Variants in ITGAL observed in about 807,000 individuals in gnomAD.
The protein encoded by ITGAL is integrin subunit alpha L.
ITGAL carries 68 observed loss-of-function variants against 138.4 expected under a neutral mutation model. The ratio of observed to expected loss-of-function variants is 0.49; its 90% CI spans 0.40 to 0.60. The LOEUF is 0.60. Among genes scored for constraint, ITGAL ranks in the 20% least tolerant of loss-of-function variants. The probability of loss-of-function intolerance (pLI) is 0.00; values close to 1 mark genes in which losing one functional copy is unlikely to be tolerated. For synonymous variants in ITGAL, 561 were observed against 584.3 expected (o/e 0.96, Z 0.57); for missense variants, 1,256 against 1,478.6 (o/e 0.85, Z 2.47).
rs140271557 is a variant in ITGAL at position 30,488,638 on chromosome 16, G to A, written c.1007-444G>A. 4.3e-3 allele frequency among the ~76,000 whole-genome samples: 652 copies of A among 150,474 alleles called. 4 individuals are homozygous for A. The highest frequency in any genetic ancestry group is 0.015 in the African/African-American group (632 of 40,814). ...GAATCGCTTGAACCCAGGAGGCAGA[G>A]GCTGTGGTGAGCTGAGATTGCACTA... is the stretch of plus-strand genomic sequence containing the variant. On this transcript the variant is annotated intron_variant, in intron 9 of 30. Transcript: ENST00000356798.
Position 30,494,379 on chromosome 16 carries a change from G to T in ITGAL, c.1365+16G>T, listed in dbSNP as rs2050770817. On this transcript the variant is annotated intron_variant, in intron 12 of 30. Coordinates refer to ENST00000356798, the MANE Select transcript of ITGAL (RefSeq NM_002209.3). The surrounding 1 kb of genome is among the most constrained non-coding windows in gnomAD (Gnocchi z 4.2). ...TGGGACCCAGGTGCGCCCAGTCCGA[G>T]GGCATCTGCAGACCAGGGACTGGCG... 6.3e-7 allele frequency: 1 copy of T among 1,588,226 alleles called. No homozygotes were observed. The highest frequency in any genetic ancestry group is 1.7e-5 in the Admixed American group (1 of 57,246).
chr16:30,498,118 A>G (rs969117425), intron 15 of ITGAL, among the ~76,000 whole-genome samples: 4 of 151,790 alleles, frequency 2.6e-5, no homozygotes, highest in African/African-American at 4.8e-5. Flanking sequence ...CTTAGTCAGG[A>G]GTTCAAGACC....
chr16:30,488,957 C>T (rs914843482), intron 9 of ITGAL, 125 bp from the exon 10 acceptor site: 4 of 781,842 alleles, frequency 5.1e-6, no homozygotes, highest in Non-Finnish European at 8.9e-6. Context: ...TCTGCCTGAC[C>T]CTCACATGCA....
At position 30,479,123 on chromosome 16, in the gene ITGAL, C is replaced by T. The variant is rs866102650; in HGVS notation, c.360C>T (p.Asp120=). ...ACCCTGGGCTGTCTCGAACGTGTGA[C>T]CAGAACACCTATCTGAGTGGCCTGT... The part of the protein sequence containing the change: ...ACDPGLSRTC[D]QNTYLSGLCY... Residue 120 remains aspartate, a synonymous_variant, in exon 5 of 31, where the codon GAC becomes GAT. Transcript: ENST00000356798. 6.2e-7 allele frequency: 1 copy of T among 1,614,116 alleles called. No homozygotes were observed. The highest frequency in any genetic ancestry group is 2.2e-5 in the East Asian group (1 of 44,880).
chr16:30,484,951 A>G (rs2050618781), intron 9 of ITGAL, among the ~76,000 whole-genome samples: 2 of 151,870 alleles, frequency 1.3e-5, no homozygotes, highest in Non-Finnish European at 2.9e-5. Context: ...AAACAAAAAA[A>G]AACCTCCCCT....
intron 1 of ITGAL, among the ~76,000 whole-genome samples, chr16:30,473,179 C>A (rs1250665825): frequency 6.6e-6 from 1 of 152,156 alleles, no homozygotes; most frequent in Non-Finnish European, 1.5e-5. Context: ...CGCCTGTAAT[C>A]CCAGCACTTT....
At chr16:30,481,183 C>CA (rs1555505200) in intron 6 of ITGAL, 93 of 355,522 alleles carry the variant, frequency 2.6e-4, no homozygotes, top group East Asian at 1.6e-3. Context: ...CACACACACA[C>CA]CACACACACA....
chr16:30,508,930 A>G (rs2051047795), intron 21 of ITGAL, among the ~76,000 whole-genome samples: 1 of 151,942 alleles, frequency 6.6e-6, no homozygotes, highest in Non-Finnish European at 1.5e-5. Flanking sequence ...TAATCCCAGT[A>G]CTTTGGGAGG....
intron 4 of ITGAL, among the ~76,000 whole-genome samples, chr16:30,478,331 CAA>C (rs1219068809): frequency 1.2e-4 from 10 of 86,642 alleles, no homozygotes; most frequent in Admixed American, 1.5e-4. Flanking sequence ...GAGACTCCGT[CAA>C]AAAAAAAAAA....
At chr16:30,473,821 G>A (rs1469083016) in intron 1 of ITGAL, 1 of 426,512 alleles carries the variant, frequency 2.3e-6, no homozygotes. Flanking sequence ...GACCGCAGGA[G>A]AAGTGGGTGG....
chr16:30,518,465 TAGAA>T (rs758390593), intron 28 of ITGAL, among the ~76,000 whole-genome samples, 155 bp from the exon 29 acceptor site: 56 of 142,924 alleles, frequency 3.9e-4, no homozygotes, highest in Admixed American at 9.7e-4. Flanking sequence ...AAAAAAAAAA[TAGAA>T]AGAAAAGAAT....
intron 21 of ITGAL, among the ~76,000 whole-genome samples, chr16:30,509,788 C>A (rs1445706319): frequency 2.0e-5 from 3 of 152,020 alleles, no homozygotes; most frequent in Non-Finnish European, 2.9e-5. Flanking sequence ...CTTATAATCC[C>A]AGCACATTGG....
At chr16:30,518,438 G>C (rs1173884211) in intron 28 of ITGAL, among the ~76,000 whole-genome samples, 186 bp from the exon 29 acceptor site, 4 of 145,926 alleles carry the variant, frequency 2.7e-5, no homozygotes, top group African/African-American at 1.0e-4. Context: ...GACAGAGCAA[G>C]ACTCCATCTC....
chr16:30,479,124 C>G lies in ITGAL; in HGVS notation c.361C>G (p.Gln121Glu). 2 of 1,614,084 alleles carry G rather than the reference C, an allele frequency of 1.2e-6. No individual in the cohort carries two copies. The highest frequency in any genetic ancestry group is 8.5e-7 in the Non-Finnish European group (1 of 1,180,010). Residue 121 changes from glutamine (Q) to glutamate (E), a missense_variant, in exon 5 of 31, where the codon CAG becomes GAG. Around this residue, in one of 3 missense-constraint regions of ITGAL, gnomAD observed 212 missense variants for 217.4 expected, o/e 0.98. Transcript: ENST00000356798. ...CDPGLSRTCDQNTYLSGLCYL... is the reference protein window; with the variant it reads ...CDPGLSRTCDENTYLSGLCYL... ...CCCTGGGCTGTCTCGAACGTGTGAC[C>G]AGAACACCTATCTGAGTGGCCTGTG...
chr16:30,503,294 C>T (rs1038169135), intron 17 of ITGAL, among the ~76,000 whole-genome samples: 1 of 152,022 alleles, frequency 6.6e-6, no homozygotes, highest in African/African-American at 2.4e-5. Flanking sequence ...AAGATTTAGA[C>T]ATTTTAAACA....
intron 17 of ITGAL, among the ~76,000 whole-genome samples, chr16:30,499,797 CACTT>C (rs1041726432): frequency 1.7e-4 from 24 of 144,496 alleles, no homozygotes; most frequent in Non-Finnish European, 3.3e-4. Flanking sequence ...GGCACGGTCT[CACTT>C]ACTACAGCAC....
intron 4 of ITGAL, among the ~76,000 whole-genome samples, chr16:30,478,522 C>A (rs561424047): frequency 7.1e-4 from 107 of 151,618 alleles, no homozygotes; most frequent in African/African-American, 2.5e-3. Context: ...CACGGTGAAA[C>A]CCCGTCTCTG....
intron 18 of ITGAL, chr16:30,504,837 G>A (rs181891539): frequency 2.6e-5 from 4 of 155,350 alleles, no homozygotes; most frequent in Non-Finnish European, 5.7e-5. Context: ...CCAACATGGC[G>A]AAAACCCATC....
intron 2 of ITGAL, among the ~76,000 whole-genome samples, chr16:30,474,860 C>T (rs76355648): frequency 8.2e-3 from 939 of 113,994 alleles, no homozygotes; most frequent in Middle Eastern, 0.023. Flanking sequence ...TTTTTTTTTT[C>T]TTTTTTTTTT....
Sources: gnomAD v4.1 joint callset for allele counts (sites outside exome capture counted in the v4.1 genomes callset) on GRCh38, gnomAD v4.1.1 for gene constraint, gnomAD v4.1.1 regional missense constraint, Gnocchi (gnomAD v3.1) non-coding constraint, MANE v1.5 for transcripts, NCBI Gene and HGNC (gene_info 2026-07-23, HGNC 2026-07-21) for gene names.